Variants in USP43 observed in about 807,000 individuals in gnomAD.
The protein encoded by USP43 is ubiquitin specific peptidase 43, also known as ubiquitin carboxyl-terminal hydrolase 43.
A neutral mutation model predicts 90.7 loss-of-function variants in USP43; 33 were observed. That is an observed-to-expected ratio of 0.36 (90% confidence interval 0.28 to 0.49). The LOEUF (loss-of-function observed/expected upper bound fraction) is 0.49, where lower values mean the gene tolerates loss of function less well. USP43 is among the 20% of genes least tolerant of loss of function. The pLI, the probability that USP43 is intolerant of heterozygous loss-of-function variation, is 0.98. For missense variants in USP43, 1,274 were observed against 1,476.4 expected (o/e 0.86, Z 2.25); for synonymous variants, 598 against 615.8 (o/e 0.97, Z 0.43).
At chr17:9,715,689 GTGTGTGTGTC>G (rs757304542) in intron 14 of USP43, among the ~76,000 whole-genome samples, 17,171 of 148,244 alleles carry the variant, frequency 0.12, 1,985 homozygotes, top group African/African-American at 0.31. Flanking sequence ...CTGTGTGTAT[GTGTGTGTGTC>G]TGTGTGTGTC....
intron 2 of USP43, among the ~76,000 whole-genome samples, chr17:9,661,595 C>T (rs567332931): frequency 3.9e-5 from 6 of 152,126 alleles, no homozygotes; most frequent in Non-Finnish European, 5.9e-5. Flanking sequence ...TGGATTCAAG[C>T]AATCCTCCCA....
At chr17:9,680,894 T>A (rs564903239) in intron 6 of USP43, among the ~76,000 whole-genome samples, 1 of 150,962 alleles carries the variant, frequency 6.6e-6, no homozygotes, top group East Asian at 1.9e-4. Context: ...TTGCTTTTCC[T>A]ATTCCATGGA....
chr17:9,658,077 G>A (rs1168276782), intron 2 of USP43, among the ~76,000 whole-genome samples: 1 of 152,130 alleles, frequency 6.6e-6, no homozygotes, highest in African/African-American at 2.4e-5. Flanking sequence ...TGATCCAGTT[G>A]CAGCCATGAG....
chr17:9,718,697 G>A (rs1156706672), intron 14 of USP43, among the ~76,000 whole-genome samples: 3 of 150,204 alleles, frequency 2.0e-5, no homozygotes, highest in South Asian at 2.1e-4. Flanking sequence ...AAAATTAGCC[G>A]GGCATGGTGG....
At position 9,727,986 on chromosome 17, in the gene USP43, G is replaced by A. The variant is rs201063447; in HGVS notation, c.2368G>A (p.Val790Met). Residue 790 changes from valine (V) to methionine (M), a missense_variant, in exon 15 of 15, where the codon GTG becomes ATG. Val to Met is a conservative substitution (Grantham distance 21, BLOSUM62 1). Around this residue, in one of 6 missense-constraint regions of USP43, gnomAD observed 285 missense variants for 349.6 expected, o/e 0.82. Transcript: ENST00000285199. ...GLEPRRLVRG[V>M]KGRSISMKAP... ...GGAGCCCAGGCGTTTGGTACGGGGC[G>A]TGAAAGGCAGAAGCATTAGCATGAA... is the stretch of plus-strand genomic sequence containing the variant. 1.9e-4 allele frequency: 312 copies of A among 1,610,724 alleles called. 1 individual carries two copies. Among genetic ancestry groups the A allele is most frequent in the East Asian group, 4.9e-4 (22 of 44,766 alleles).
intron 14 of USP43, among the ~76,000 whole-genome samples, chr17:9,724,605 G>C (rs530316321): frequency 6.6e-6 from 1 of 151,708 alleles, no homozygotes. Flanking sequence ...ACTTGAATCC[G>C]GGAGGTGGAG....
At chr17:9,681,877 A>C (rs116556474) in intron 6 of USP43, among the ~76,000 whole-genome samples, 2 of 152,132 alleles carry the variant, frequency 1.3e-5, no homozygotes, top group Non-Finnish European at 2.9e-5. Flanking sequence ...CATTTTGGCC[A>C]GCCTAGGTAG....
chr17:9,665,437 C>A (rs1213804564), intron 2 of USP43, among the ~76,000 whole-genome samples: 2 of 152,098 alleles, frequency 1.3e-5, no homozygotes, highest in African/African-American at 2.4e-5. Flanking sequence ...CACAAGGTGT[C>A]AGGAGAGAGA....
Position 9,702,000 on chromosome 17 carries a change from T to C in USP43, c.2011+300T>C, listed in dbSNP as rs1376866170. 6.6e-6 allele frequency among the ~76,000 whole-genome samples: 1 copy of C among 152,136 alleles called. No individual in the cohort carries two copies. Among genetic ancestry groups the C allele is most frequent in the Admixed American group, 6.5e-5 (1 of 15,274 alleles). On this transcript the variant is annotated intron_variant, in intron 12 of 14. Transcript: ENST00000285199. This position sits in a 1 kb window ranked among gnomAD's most constrained non-coding sequence, Gnocchi z 7.2. ...ACGGTAGTGTGGCTGTCTCGCACCA[T>C]GTGCGAGAGCAGAAGGGACCTTGTC... is the stretch of plus-strand genomic sequence containing the variant.
intron 5 of USP43, among the ~76,000 whole-genome samples, chr17:9,678,882 A>T (rs1231577942): frequency 6.6e-6 from 1 of 152,046 alleles, no homozygotes; most frequent in African/African-American, 2.4e-5. Flanking sequence ...TATATACATT[A>T]TATTTCCATT....
At chr17:9,694,464 C>T (rs967548157) in intron 9 of USP43, among the ~76,000 whole-genome samples, 3 of 151,958 alleles carry the variant, frequency 2.0e-5, no homozygotes, top group South Asian at 2.1e-4. Flanking sequence ...GTCACCAGCC[C>T]GTGACAAGAA....
chr17:9,729,090 C>A lies in USP43; in HGVS notation c.*100C>A. On this transcript the variant is annotated 3_prime_UTR_variant, in exon 15 of 15. Transcript: ENST00000285199. ...AATGGGTTTCCAGGAAACCCGTTGT[C>A]TTGTAATCTCTAAAAAAAAATTTTT... is the stretch of plus-strand genomic sequence containing the variant. 5.7e-6 allele frequency: 7 copies of A among 1,231,204 alleles called. No homozygotes were observed. The highest frequency in any genetic ancestry group is 7.5e-6 in the Non-Finnish European group (7 of 935,624). The allele number at this position is 1,231,204 out of a possible 1,614,324, so 76.3% of individuals were successfully genotyped here. A position where few individuals can be genotyped will look rare whatever the true frequency, so the allele number is the denominator to read the frequency against.
At chr17:9,646,559 A>T (rs1911418046) in intron 1 of USP43, among the ~76,000 whole-genome samples, 1 of 152,142 alleles carries the variant, frequency 6.6e-6, no homozygotes, top group Non-Finnish European at 1.5e-5. Flanking sequence ...GAATGATGAG[A>T]AGGATGCAGT....
At chr17:9,663,243 C>T (rs1284587506) in intron 2 of USP43, among the ~76,000 whole-genome samples, 10 of 151,600 alleles carry the variant, frequency 6.6e-5, no homozygotes, top group Non-Finnish European at 1.2e-4. Flanking sequence ...CTTTTTTAGC[C>T]GGATCAGAGC....
intron 13 of USP43, among the ~76,000 whole-genome samples, chr17:9,711,071 A>C (rs569144135): frequency 6.6e-6 from 1 of 152,256 alleles, no homozygotes; most frequent in South Asian, 2.1e-4. Context: ...AGAATGAAAA[A>C]CCTGTCCTAT....
At chr17:9,677,243 A>T (rs771697243) in intron 5 of USP43, among the ~76,000 whole-genome samples, 13 of 152,206 alleles carry the variant, frequency 8.5e-5, no homozygotes, top group Non-Finnish European at 1.5e-4. Context: ...CATTACAATT[A>T]TCCTCATCTT....
rs533078865 is a variant in USP43, at chr17:9,724,784, A to G, written c.2336-3170A>G. Among the ~76,000 whole-genome samples, 24 of 152,366 alleles carry G rather than the reference A, an allele frequency of 1.6e-4. No individual in the cohort carries two copies. In the South Asian group the frequency reaches 5.0e-3, roughly 32 times the overall value. On this transcript the variant is annotated intron_variant, in intron 14 of 14. Coordinates refer to ENST00000285199, the MANE Select transcript of USP43 (RefSeq NM_153210.5). ...ACCATATTCTTTTTCCTTCAACTGT[A>G]TCCCAAGCGTTGAAGACAGTCCTTG...
chr17:9,673,724 GTTC>G (rs1913589856), intron 3 of USP43, among the ~76,000 whole-genome samples: 1 of 152,194 alleles, frequency 6.6e-6, no homozygotes, highest in African/African-American at 2.4e-5. Context: ...AGAGCTGTGT[GTTC>G]TTCAGCAAAT....
Position 9,645,761 on chromosome 17 carries a change from C to G in USP43, c.129C>G (p.Asp43Glu). ...LALGSRSRPG[D>E]SPPRPQPGHC... ...TGGGCAGCCGCTCACGCCCCGGGGA[C>G]TCACCGCCCCGGCCCCAGCCGGGAC... Residue 43 changes from aspartate to glutamate, a missense_variant, in exon 1 of 15, where the codon GAC becomes GAG. Asp to Glu is a conservative substitution (Grantham distance 45, BLOSUM62 2). This residue lies in a region of USP43 where 112 missense variants were observed against 106.6 expected (regional missense o/e 1.05). Coordinates refer to ENST00000285199, the MANE Select transcript of USP43 (RefSeq NM_153210.5). This position sits in a 1 kb window ranked among gnomAD's most constrained non-coding sequence, Gnocchi z 6.8. 1 of 1,396,530 alleles carries G rather than the reference C, an allele frequency of 7.2e-7. No individual in the cohort carries two copies. The highest frequency in any genetic ancestry group is 9.2e-7 in the Non-Finnish European group (1 of 1,083,010). 86.5% of individuals were successfully genotyped at this position (1,396,530 alleles called of 1,614,324 possible). A position where few individuals can be genotyped will look rare whatever the true frequency, so the allele number is the denominator to read the frequency against.
Sources: gnomAD v4.1 joint callset for allele counts (sites outside exome capture counted in the v4.1 genomes callset) on GRCh38, gnomAD v4.1.1 for gene constraint, gnomAD v4.1.1 regional missense constraint, Gnocchi (gnomAD v3.1) non-coding constraint, MANE v1.5 for transcripts, NCBI Gene and HGNC (gene_info 2026-07-23, HGNC 2026-07-21) for gene names.